The following TSG101 variants were observed in gnomAD, a reference collection of about 807,000 sequenced individuals.
The protein encoded by TSG101 is tumor susceptibility 101, also known as tumor susceptibility gene 101 protein.
In TSG101, 19 loss-of-function variants were observed where a neutral mutation model predicts 48.5. The observed-to-expected ratio is 0.39, with a 90% CI of 0.27 to 0.58. The LOEUF (loss-of-function observed/expected upper bound fraction) is 0.58. Among genes scored for constraint, TSG101 ranks in the 20% least tolerant of loss-of-function variants. The pLI, the probability that TSG101 is intolerant of heterozygous loss-of-function variation, is 0.55. For synonymous variants in TSG101, 174 were observed against 169.4 expected (o/e 1.03, Z -0.21); for missense variants, 365 against 484.4 (o/e 0.75, Z 2.31).
At chr11:18,516,355 T>G (rs1023937252) in intron 2 of TSG101, among the ~76,000 whole-genome samples, 191 bp from the exon 3 acceptor site, 2 of 149,906 alleles carry the variant, frequency 1.3e-5, no homozygotes, top group Admixed American at 6.6e-5. Context: ...AGCTCTTTTT[T>G]GTTTTTTTTT....
chr11:18,496,038 C>T (rs1849771744), intron 7 of TSG101, among the ~76,000 whole-genome samples: 1 of 152,172 alleles, frequency 6.6e-6, no homozygotes, highest in Non-Finnish European at 1.5e-5. Flanking sequence ...TGACATTCCT[C>T]ACACATAAAT....
intron 1 of TSG101, among the ~76,000 whole-genome samples, chr11:18,522,042 T>A (rs2133934648): frequency 6.6e-6 from 1 of 152,326 alleles, no homozygotes; most frequent in East Asian, 1.9e-4. Context: ...CTGCACTCTG[T>A]GCCTGTGCCT....
chr11:18,482,269 G>A (rs183686733), intron 8 of TSG101, among the ~76,000 whole-genome samples: 18 of 152,320 alleles, frequency 1.2e-4, no homozygotes, highest in Admixed American at 9.8e-4. Context: ...TCTATGAAGA[G>A]GATTCAATGC....
chr11:18,516,004 T>G (rs1453233442), intron 3 of TSG101, 95 bp downstream of exon 3: 61 of 1,097,910 alleles, frequency 5.6e-5, no homozygotes, highest in South Asian at 2.8e-4. Context: ...ATCAAAGCCC[T>G]GAGAAAGTAG....
intron 3 of TSG101, 109 bp from the exon 4 acceptor site, chr11:18,514,950 AT>A (rs1410188058): frequency 3.1e-6 from 3 of 980,070 alleles, no homozygotes; most frequent in Non-Finnish European, 4.3e-6. Flanking sequence ...ATATATCCGC[AT>A]CCCCCCCATT....
chr11:18,489,701 G>A (rs547449618), intron 7 of TSG101, among the ~76,000 whole-genome samples: 3 of 152,316 alleles, frequency 2.0e-5, no homozygotes, highest in Admixed American at 2.0e-4. Flanking sequence ...GAACTTTTGA[G>A]TGGCAACAGC....
intron 7 of TSG101, among the ~76,000 whole-genome samples, chr11:18,497,091 A>AAAC (rs200618111): frequency 2.0e-5 from 3 of 152,272 alleles, no homozygotes; most frequent in Non-Finnish European, 4.4e-5. Context: ...TCTGTCTCAA[A>AAAC]AACAACAACA....
intron 1 of TSG101, among the ~76,000 whole-genome samples, chr11:18,524,889 A>G (rs1008548143): frequency 2.0e-5 from 3 of 151,744 alleles, no homozygotes; most frequent in Non-Finnish European, 4.4e-5. Context: ...TTATATGAAT[A>G]TACATACATT....
chr11:18,484,788 A>G (rs1849593422), intron 7 of TSG101, among the ~76,000 whole-genome samples: 1 of 152,178 alleles, frequency 6.6e-6, no homozygotes, highest in Non-Finnish European at 1.5e-5. Flanking sequence ...CCTTTCTAAT[A>G]TAAGTTTGGG....
intron 5 of TSG101, chr11:18,508,964 T>C (rs1850023140): frequency 6.6e-6 from 1 of 152,164 alleles, no homozygotes. Flanking sequence ...GTAAGAATTA[T>C]TCAAGAAAAT....
chr11:18,505,787 T>C (rs543758568), intron 6 of TSG101, among the ~76,000 whole-genome samples: 9 of 152,268 alleles, frequency 5.9e-5, no homozygotes. Context: ...AACCATTAAT[T>C]GATTCCTGCA....
At chr11:18,488,149 T>C (rs1335883404) in intron 7 of TSG101, among the ~76,000 whole-genome samples, 3 of 152,216 alleles carry the variant, frequency 2.0e-5, no homozygotes, top group African/African-American at 4.8e-5. Flanking sequence ...CTACCAGATA[T>C]ACAAACAGGC....
At chr11:18,492,310 T>C (rs912916676) in intron 7 of TSG101, among the ~76,000 whole-genome samples, 1 of 152,244 alleles carries the variant, frequency 6.6e-6, no homozygotes, top group Non-Finnish European at 1.5e-5. Flanking sequence ...ACAGTGGTGG[T>C]ATTCCATTCA....
Position 18,495,630 on chromosome 11 carries a change from T to A in TSG101, c.640+6856A>T, listed in dbSNP as rs570373935. On this transcript the variant is annotated intron_variant, in intron 7 of 9. Transcript: ENST00000251968. ...GCTCCTACAGTAACAGGAAAAAGAA[T>A]CTTTGTGTTAAGTTTCAATGCATAC... Among the ~76,000 whole-genome samples the A allele has an allele frequency of 2.0e-5, 3 of 151,862 alleles. No homozygotes were observed. The East Asian group carries it at 5.8e-4, about 29-fold the overall frequency.
Position 18,506,647 on chromosome 11 carries a change from G to A in TSG101, c.548+210C>T, listed in dbSNP as rs529540187. Among the ~76,000 whole-genome samples, 35 of 151,790 alleles carry A rather than the reference G, an allele frequency of 2.3e-4. No individual in the cohort carries two copies. In the South Asian group the frequency reaches 6.7e-3, roughly 29 times the overall value. On this transcript the variant is annotated intron_variant, in intron 6 of 9. Coordinates refer to ENST00000251968, the MANE Select transcript of TSG101 (RefSeq NM_006292.4). ...AGAGGTTGCAGTGAGCCGAGATTGC[G>A]CCACTGTACTCCAGCCTGGGTGACA...
intron 2 of TSG101, 138 bp from the exon 3 acceptor site, chr11:18,516,302 A>G (rs1850171543): frequency 3.1e-6 from 2 of 644,698 alleles, no homozygotes; most frequent in South Asian, 4.1e-5. Flanking sequence ...CATCCTGTCC[A>G]ATAACTAACA....
intron 4 of TSG101, 136 bp from the exon 5 acceptor site, chr11:18,509,801 T>A: frequency 1.1e-6 from 1 of 944,784 alleles, no homozygotes; most frequent in African/African-American, 1.6e-5. Flanking sequence ...AAATTTCATT[T>A]AATTAATTTA....
intron 7 of TSG101, among the ~76,000 whole-genome samples, chr11:18,485,838 GGGGTGGGTCCCC>G (rs2133903635): frequency 6.6e-6 from 1 of 152,302 alleles, no homozygotes; most frequent in African/African-American, 2.4e-5. Context: ...TGAGGCAGAT[GGGGTGGGTCCCC>G]GGTGAAACGC....
At chr11:18,499,113 C>T (rs1292226292) in intron 7 of TSG101, among the ~76,000 whole-genome samples, 2 of 148,996 alleles carry the variant, frequency 1.3e-5, no homozygotes, top group Non-Finnish European at 3.0e-5. Context: ...AAGAGAGTTA[C>T]TTCAAGGAGT....
Sources: gnomAD v4.1 joint callset for allele counts (sites outside exome capture counted in the v4.1 genomes callset) on GRCh38, gnomAD v4.1.1 for gene constraint, MANE v1.5 for transcripts, NCBI Gene and HGNC (gene_info 2026-07-23, HGNC 2026-07-21) for gene names.